Variants in PHLDB2 observed in about 807,000 individuals in gnomAD.
PHLDB2 encodes the protein pleckstrin homology like domain family B member 2.
A neutral mutation model predicts 123.6 loss-of-function variants in PHLDB2; 71 were observed. That is an observed-to-expected ratio of 0.57 (90% confidence interval 0.47 to 0.70). The LOEUF (loss-of-function observed/expected upper bound fraction) is 0.70, where lower values mean the gene tolerates loss of function less well. Ranked by LOEUF, PHLDB2 falls within the 30% of genes least tolerant of loss-of-function variation. The probability of loss-of-function intolerance (pLI) is 0.00; values close to 1 mark genes in which losing one functional copy is unlikely to be tolerated. For synonymous variants in PHLDB2, 547 were observed against 541.6 expected (o/e 1.01, Z -0.14); for missense variants, 1,446 against 1,519.5 (o/e 0.95, Z 0.80).
intron 1 of PHLDB2, among the ~76,000 whole-genome samples, chr3:111,763,169 A>T (rs1046212194): frequency 6.6e-6 from 1 of 152,212 alleles, no homozygotes; most frequent in Admixed American, 6.5e-5. Flanking sequence ...GATTTTAGGT[A>T]TTTGATTCAT....
At chr3:111,895,205 T>C (rs73228569) in intron 2 of PHLDB2, among the ~76,000 whole-genome samples, 17,197 of 152,254 alleles carry the variant, frequency 0.11, 1,110 homozygotes, top group Non-Finnish European at 0.15. Flanking sequence ...TGAAATTCTA[T>C]ATTGCAGTAG....
chr3:111,811,724 T>C (rs2061848238), intron 1 of PHLDB2, among the ~76,000 whole-genome samples: 1 of 152,084 alleles, frequency 6.6e-6, no homozygotes, highest in South Asian at 2.1e-4. Flanking sequence ...ATAATTCTGT[T>C]TTTAAGGTTC....
At chr3:111,794,134 C>T (rs950199511) in intron 1 of PHLDB2, among the ~76,000 whole-genome samples, 8 of 152,074 alleles carry the variant, frequency 5.3e-5, no homozygotes, top group African/African-American at 1.7e-4. Flanking sequence ...GACCCCAGAC[C>T]ACTTTAGTCC....
chr3:111,772,437 T>A (rs1446472206), intron 1 of PHLDB2, among the ~76,000 whole-genome samples: 1 of 152,112 alleles, frequency 6.6e-6, no homozygotes, highest in East Asian at 1.9e-4. Context: ...AGGCTAAACC[T>A]ATGAAGGGGA....
Position 111,885,200 on chromosome 3 carries a change from A to G in PHLDB2, c.1123A>G (p.Arg375Gly). The G allele has an allele frequency of 1.2e-6, 2 of 1,614,126 alleles. No individual in the cohort carries two copies. Among genetic ancestry groups the G allele is most frequent in the Admixed American group, 1.7e-5 (1 of 60,022 alleles). The stretch of plus-strand genomic sequence containing the variant: ...TTCACTTCTTGCTGGAGAGTCAGAC[A>G]GAGTTTTTGCGACCAGGAGGAACTT... ...SHSLLAGESDRVFATRRNFSC... is the reference protein window; with the variant it reads ...SHSLLAGESDGVFATRRNFSC... The change falls in exon 2 of 18, where the codon AGA becomes GGA. Residue 375 changes from arginine to glycine, a missense_variant. Physicochemically the swap from Arg to Gly is moderately radical, Grantham distance 125. Transcript: ENST00000431670.
chr3:111,894,402 T>A (rs1217829888), intron 2 of PHLDB2, among the ~76,000 whole-genome samples: 1 of 151,818 alleles, frequency 6.6e-6, no homozygotes, highest in Admixed American at 6.6e-5. Flanking sequence ...GCAGCATGAT[T>A]TATAGTCCTT....
chr3:111,897,074 T>C (rs2066914825), intron 2 of PHLDB2, among the ~76,000 whole-genome samples: 1 of 152,248 alleles, frequency 6.6e-6, no homozygotes, highest in Non-Finnish European at 1.5e-5. Flanking sequence ...GTCTCTCATG[T>C]TGGCCTTTTA....
chr3:111,883,997 G>T, intron 1 of PHLDB2, 67 bp from the exon 2 acceptor site: 1 of 1,408,926 alleles, frequency 7.1e-7, no homozygotes. Context: ...TCAGATGTAG[G>T]CCTAACAAGG....
At chr3:111,945,577 A>C in intron 9 of PHLDB2, 1 of 536,414 alleles carries the variant, frequency 1.9e-6, no homozygotes, top group South Asian at 2.2e-5. Flanking sequence ...GTGTATGTGT[A>C]TGTGTGTGTT....
chr3:111,808,663 C>G (rs1235333725), intron 1 of PHLDB2, among the ~76,000 whole-genome samples: 1 of 152,114 alleles, frequency 6.6e-6, no homozygotes, highest in Non-Finnish European at 1.5e-5. Context: ...TCATGAGTCA[C>G]AGCTTCAAGA....
intron 1 of PHLDB2, among the ~76,000 whole-genome samples, chr3:111,769,254 C>T (rs1341835505): frequency 6.6e-6 from 1 of 152,108 alleles, no homozygotes; most frequent in African/African-American, 2.4e-5. Context: ...CTCCAAGTTC[C>T]CTTATCAAGC....
chr3:111,939,457 A>C lies in PHLDB2; in HGVS notation c.2131-18A>C. On this transcript the variant is annotated intron_variant, in intron 6 of 17. Transcript: ENST00000431670. ...AGTTATCTCAGTGTGTCTTGTTTTCATTCACTTTTCTCCAAAGGATGCTGA... is the reference window on the plus strand; with the variant it reads ...AGTTATCTCAGTGTGTCTTGTTTTCCTTCACTTTTCTCCAAAGGATGCTGA... 1 of 1,593,362 alleles carries C rather than the reference A, an allele frequency of 6.3e-7. No individual in the cohort carries two copies. Among genetic ancestry groups the C allele is most frequent in the South Asian group, 1.1e-5 (1 of 86,986 alleles).
chr3:111,926,080 G>A (rs1489963878), intron 5 of PHLDB2, among the ~76,000 whole-genome samples: 2 of 152,160 alleles, frequency 1.3e-5, no homozygotes, highest in Non-Finnish European at 2.9e-5. Flanking sequence ...CAGATGCATT[G>A]TTATATTTTG....
At chr3:111,886,195 C>T (rs562112381) in intron 2 of PHLDB2, among the ~76,000 whole-genome samples, 1 of 152,218 alleles carries the variant, frequency 6.6e-6, no homozygotes, top group African/African-American at 2.4e-5. Flanking sequence ...TCATGATTTC[C>T]TTAACAAGAG....
At chr3:111,779,222 T>C (rs1257801892) in intron 1 of PHLDB2, among the ~76,000 whole-genome samples, 1 of 151,192 alleles carries the variant, frequency 6.6e-6, no homozygotes, top group Non-Finnish European at 1.5e-5. Flanking sequence ...TATTATAACC[T>C]TTCAGGTTCC....
chr3:111,780,315 G>A (rs28703054), intron 1 of PHLDB2, among the ~76,000 whole-genome samples: 1,911 of 4,862 alleles, frequency 0.39, 581 homozygotes, highest in East Asian at 0.42. Context: ...AAGAGGAAGA[G>A]GAAGAGGAAG....
intron 1 of PHLDB2, among the ~76,000 whole-genome samples, chr3:111,830,389 C>T (rs942826399): frequency 6.7e-6 from 1 of 150,130 alleles, no homozygotes; most frequent in African/African-American, 2.5e-5. Context: ...CGACATTTTT[C>T]TGTTAATTTA....
At chr3:111,888,601 T>C (rs941930479) in intron 2 of PHLDB2, among the ~76,000 whole-genome samples, 2 of 152,212 alleles carry the variant, frequency 1.3e-5, no homozygotes, top group Admixed American at 1.3e-4. Context: ...GTTACACTTG[T>C]AAGGTACTAA....
chr3:111,770,519 A>C (rs2060157989), intron 1 of PHLDB2, among the ~76,000 whole-genome samples: 1 of 152,226 alleles, frequency 6.6e-6, no homozygotes, highest in Admixed American at 6.5e-5. Flanking sequence ...AGTTAGTGCA[A>C]CACCTACACA....
Sources: allele counts gnomAD v4.1 joint callset (sites outside exome capture counted in the v4.1 genomes callset), GRCh38; gene constraint gnomAD v4.1.1; transcripts MANE v1.5; gene names NCBI Gene and HGNC (gene_info 2026-07-23, HGNC 2026-07-21).